Variants in LRRTM4 observed in about 807,000 individuals in gnomAD.
The protein encoded by LRRTM4 is leucine-rich repeat transmembrane neuronal protein 4.
Under a neutral mutation model 47.6 loss-of-function variants are expected in LRRTM4, and 25 were observed. The observed-to-expected ratio is 0.53, with a 90% CI of 0.38 to 0.73. The LOEUF (loss-of-function observed/expected upper bound fraction) is 0.73, where lower values mean the gene tolerates loss of function less well. Among genes scored for constraint, LRRTM4 ranks in the 30% least tolerant of loss-of-function variants. The pLI is 0.00. For missense variants in LRRTM4, 638 were observed against 713.4 expected (o/e 0.89, Z 1.20); for synonymous variants, 311 against 269.5 (o/e 1.15, Z -1.51).
chr2:77,051,993 G>T (rs1679448228), intron 3 of LRRTM4, among the ~76,000 whole-genome samples: 1 of 149,390 alleles, frequency 6.7e-6, no homozygotes, highest in African/African-American at 2.4e-5. Flanking sequence ...TAATTTATGT[G>T]TACTTTTAAA....
At chr2:77,461,661 C>G (rs866597150) in intron 3 of LRRTM4, among the ~76,000 whole-genome samples, 1 of 151,986 alleles carries the variant, frequency 6.6e-6, no homozygotes, top group Non-Finnish European at 1.5e-5. Context: ...CACGCATGCT[C>G]CTCTTTTGCT....
In LRRTM4 at chr2:77,038,911, G is replaced by A. The variant is rs80005268; in HGVS notation, c.1552-289995C>T. Among the ~76,000 whole-genome samples the A allele has an allele frequency of 8.7e-4, 131 of 151,318 alleles. 1 individual carries two copies. In the East Asian group the frequency reaches 0.025, roughly 29 times the overall value. ...AGTTTAGAGACCAAATTACACTTGT[G>A]GCATTGCTCTTATTATATAGTGGGT... On this transcript the variant is annotated intron_variant, in intron 3 of 3. Coordinates refer to ENST00000409884, the MANE Select transcript of LRRTM4 (RefSeq NM_001134745.3).
chr2:77,445,831 A>AT (rs1387722424), intron 3 of LRRTM4, among the ~76,000 whole-genome samples: 3 of 152,068 alleles, frequency 2.0e-5, no homozygotes, highest in Non-Finnish European at 2.9e-5. Flanking sequence ...TAAACAAGTG[A>AT]TAAAAATACC....
At chr2:76,885,951 T>A (rs1383932998) in intron 3 of LRRTM4, among the ~76,000 whole-genome samples, 1 of 152,056 alleles carries the variant, frequency 6.6e-6, no homozygotes, top group East Asian at 1.9e-4. Flanking sequence ...GAAGAATAAA[T>A]CTGACAAAAA....
chr2:77,466,788 T>C (rs1203237231), intron 3 of LRRTM4, among the ~76,000 whole-genome samples: 1 of 150,984 alleles, frequency 6.6e-6, no homozygotes, highest in African/African-American at 2.4e-5. Flanking sequence ...AACCTCCACT[T>C]CCTGGGTTAA....
At chr2:77,216,258 G>T (rs1230464290) in intron 3 of LRRTM4, among the ~76,000 whole-genome samples, 1 of 152,152 alleles carries the variant, frequency 6.6e-6, no homozygotes, top group Non-Finnish European at 1.5e-5. Flanking sequence ...TGGTTGCAAA[G>T]CCATCCCAAA....
chr2:77,302,013 C>T (rs1035743299), intron 3 of LRRTM4, among the ~76,000 whole-genome samples: 4 of 152,116 alleles, frequency 2.6e-5, no homozygotes, highest in African/African-American at 9.7e-5. Context: ...CTATTTTAGA[C>T]ATAGTTTCTT....
chr2:77,474,137 C>T (rs991086620), intron 3 of LRRTM4, among the ~76,000 whole-genome samples: 5 of 151,260 alleles, frequency 3.3e-5, no homozygotes, highest in South Asian at 4.2e-4. Context: ...CTTCTATTTT[C>T]GGAAAAAAGA....
chr2:76,958,522 C>G (rs1277343703), intron 3 of LRRTM4, among the ~76,000 whole-genome samples: 1 of 151,722 alleles, frequency 6.6e-6, no homozygotes, highest in Non-Finnish European at 1.5e-5. Flanking sequence ...TGTTAAAATA[C>G]TATTTAAAAA....
chr2:76,773,726 A>G (rs2104121830), intron 3 of LRRTM4, among the ~76,000 whole-genome samples: 1 of 151,996 alleles, frequency 6.6e-6, no homozygotes, highest in African/African-American at 2.4e-5. Context: ...AATAAAATAT[A>G]TAAAATCAAA....
chr2:77,115,088 C>T (rs1027047685), intron 3 of LRRTM4, among the ~76,000 whole-genome samples: 3 of 152,062 alleles, frequency 2.0e-5, no homozygotes, highest in Admixed American at 6.6e-5. Flanking sequence ...CCAGAGCAGC[C>T]GTCTATAGAC....
At chr2:77,133,294 G>A (rs550626902) in intron 3 of LRRTM4, among the ~76,000 whole-genome samples, 4 of 152,254 alleles carry the variant, frequency 2.6e-5, no homozygotes, top group African/African-American at 9.6e-5. Flanking sequence ...CACAACTGAT[G>A]CACCTCTTCA....
chr2:76,958,669 C>G (rs1185033146), intron 3 of LRRTM4, among the ~76,000 whole-genome samples: 2 of 151,584 alleles, frequency 1.3e-5, no homozygotes, highest in African/African-American at 4.8e-5. Context: ...TCATTTGAAT[C>G]AAGAAAATAG....
intron 3 of LRRTM4, among the ~76,000 whole-genome samples, chr2:77,154,915 T>G: frequency 6.6e-6 from 1 of 152,140 alleles, no homozygotes; most frequent in African/African-American, 2.4e-5. Flanking sequence ...AAAGTGGAAT[T>G]AACAATGGTA....
intron 3 of LRRTM4, among the ~76,000 whole-genome samples, chr2:77,076,423 C>CGT (rs1553383087): frequency 6.6e-6 from 1 of 151,778 alleles, no homozygotes; most frequent in African/African-American, 2.4e-5. Flanking sequence ...AGTTTCAGCC[C>CGT]GTTACTCCCC....
At chr2:76,804,140 C>G (rs1227708165) in intron 3 of LRRTM4, among the ~76,000 whole-genome samples, 1 of 152,232 alleles carries the variant, frequency 6.6e-6, no homozygotes, top group Non-Finnish European at 1.5e-5. Flanking sequence ...GTGAGTGTGA[C>G]TACATGCTGA....
intron 3 of LRRTM4, among the ~76,000 whole-genome samples, chr2:77,441,283 G>C (rs527935358): frequency 6.6e-6 from 1 of 152,078 alleles, no homozygotes; most frequent in African/African-American, 2.4e-5. Context: ...ATGCAGACCC[G>C]GTGCCTAGAA....
At chr2:77,093,425 C>T (rs1670710738) in intron 3 of LRRTM4, among the ~76,000 whole-genome samples, 1 of 151,306 alleles carries the variant, frequency 6.6e-6, no homozygotes, top group Non-Finnish European at 1.5e-5. Flanking sequence ...CAGGCCATGA[C>T]CAATCATTCT....
intron 3 of LRRTM4, among the ~76,000 whole-genome samples, chr2:77,178,989 TA>T (rs1162679432): frequency 2.6e-5 from 4 of 152,236 alleles, no homozygotes; most frequent in Non-Finnish European, 5.9e-5. Flanking sequence ...CATATGTAGA[TA>T]ATATCTATGG....
Sources: allele counts gnomAD v4.1 joint callset (sites outside exome capture counted in the v4.1 genomes callset), GRCh38; gene constraint gnomAD v4.1.1; transcripts MANE v1.5; gene names NCBI Gene and HGNC (gene_info 2026-07-23, HGNC 2026-07-21).